CFAP43: variants seen among roughly 807,000 people sequenced by gnomAD.
CFAP43 encodes the protein cilia- and flagella-associated protein 43.
A neutral mutation model predicts 218.9 loss-of-function variants in CFAP43; 155 were observed. That is an observed-to-expected ratio of 0.71 (90% confidence interval 0.62 to 0.81). CFAP43 has a LOEUF of 0.81. CFAP43 is among the 30% of genes least tolerant of loss of function. CFAP43 has a pLI of 0.00. For synonymous variants in CFAP43, 645 were observed against 681.3 expected, an observed-to-expected ratio of 0.95 and a Z score of 0.83; for missense variants, 1,778 against 1,954.3, an observed-to-expected ratio of 0.91 and a Z score of 1.70.
At chr10:104,179,387 G>A (rs1241920525) in intron 18 of CFAP43, among the ~76,000 whole-genome samples, 1 of 152,186 alleles carries the variant, frequency 6.6e-6, no homozygotes, top group Non-Finnish European at 1.5e-5. Flanking sequence ...AGGAAAACCA[G>A]TATGCACTTT....
intron 6 of CFAP43, 132 bp downstream of exon 6, chr10:104,207,533 C>T: frequency 1.2e-6 from 1 of 812,146 alleles, no homozygotes. Context: ...AGAATGCCAA[C>T]AGCACAGTAA....
chr10:104,142,449 AC>A, intron 32 of CFAP43, 56 bp from the exon 33 acceptor site: 1 of 1,327,100 alleles, frequency 7.5e-7, no homozygotes, highest in East Asian at 2.4e-5. Context: ...ATTTTAGACA[AC>A]ATACATCTTT....
At chr10:104,149,896 A>G (rs966260510) in intron 28 of CFAP43, among the ~76,000 whole-genome samples, 1 of 152,078 alleles carries the variant, frequency 6.6e-6, no homozygotes, top group African/African-American at 2.4e-5. Flanking sequence ...ATTCCCCAAA[A>G]ATTCTTTAGC....
At chr10:104,151,869 G>A (rs1283742755) in intron 28 of CFAP43, among the ~76,000 whole-genome samples, 1 of 152,072 alleles carries the variant, frequency 6.6e-6, no homozygotes, top group African/African-American at 2.4e-5. Flanking sequence ...TAGTTTGGGG[G>A]TTTACATTTA....
intron 4 of CFAP43, among the ~76,000 whole-genome samples, chr10:104,212,660 T>C (rs1050275674): frequency 6.6e-6 from 1 of 152,210 alleles, no homozygotes; most frequent in Non-Finnish European, 1.5e-5. Context: ...TAAATATATA[T>C]TTAAACATAT....
At chr10:104,164,475 G>T (rs1194015938) in intron 23 of CFAP43, among the ~76,000 whole-genome samples, 175 bp from the exon 24 acceptor site, 1 of 150,198 alleles carries the variant, frequency 6.7e-6, no homozygotes, top group African/African-American at 2.5e-5. Context: ...TCTGCTCACC[G>T]CAAGCTCCGC....
chr10:104,175,060 AAAACAAACAAAC>A (rs143922332), intron 19 of CFAP43, among the ~76,000 whole-genome samples: 1 of 148,548 alleles, frequency 6.7e-6, no homozygotes, highest in African/African-American at 2.5e-5. Flanking sequence ...GACTCCATCT[AAAACAAACAAAC>A]AAACAAACAA....
chr10:104,185,920 T>C (rs757980022), intron 15 of CFAP43, 54 bp downstream of exon 15: 3 of 1,521,904 alleles, frequency 2.0e-6, no homozygotes, highest in Non-Finnish European at 2.7e-6. Context: ...AAATGTTTCC[T>C]ATATGAGATC....
intron 27 of CFAP43, among the ~76,000 whole-genome samples, chr10:104,157,782 G>GAGAGAGAA (rs2088649897): frequency 9.7e-6 from 1 of 102,682 alleles, no homozygotes; most frequent in Non-Finnish European, 2.1e-5. Context: ...GTGTGAGAGA[G>GAGAGAGAA]AGAGAGAGAG....
At chr10:104,198,286 A>G (rs2090433715) in intron 8 of CFAP43, among the ~76,000 whole-genome samples, 3 of 152,074 alleles carry the variant, frequency 2.0e-5, no homozygotes, top group Admixed American at 2.0e-4. Context: ...TTTTATTTTA[A>G]TTAATTAATT....
intron 19 of CFAP43, among the ~76,000 whole-genome samples, chr10:104,176,876 A>AG (rs1373534541): frequency 1.3e-5 from 2 of 152,218 alleles, no homozygotes; most frequent in African/African-American, 4.8e-5. Flanking sequence ...ACCATAGGCT[A>AG]GCTAACTCTA....
rs1247039446 is a variant in CFAP43 at position 104,164,295 on chromosome 10, G to A, written c.3045C>T (p.Ile1015=). Residue 1015 remains isoleucine (I), a synonymous_variant, in exon 24 of 38, where the codon ATC becomes ATT. Coordinates refer to ENST00000357060, the MANE Select transcript of CFAP43 (RefSeq NM_025145.7). The part of the protein sequence containing the change: ...KINQIILLKD[I]IYKVKTVFNN... ...TGAAAACAGTTTTTACCTTGTAAAT[G>A]ATATCCTGAAATATTAACATGTTAC... 6.3e-7 allele frequency: 1 copy of A among 1,584,372 alleles called. No homozygotes were observed. Among genetic ancestry groups the A allele is most frequent in the Non-Finnish European group, 8.6e-7 (1 of 1,159,952 alleles).
chr10:104,204,266 T>A (rs180951453), intron 7 of CFAP43, among the ~76,000 whole-genome samples: 3 of 152,328 alleles, frequency 2.0e-5, no homozygotes, highest in Non-Finnish European at 4.4e-5. Context: ...TCCCTTCGGA[T>A]CCTCTTTTTC....
intron 3 of CFAP43, among the ~76,000 whole-genome samples, chr10:104,221,458 A>G (rs997934235): frequency 6.6e-6 from 1 of 152,214 alleles, no homozygotes; most frequent in Non-Finnish European, 1.5e-5. Context: ...TCCTTATAAA[A>G]GAGAGCTAGC....
chr10:104,178,841 T>TG (rs1442321099), intron 19 of CFAP43, among the ~76,000 whole-genome samples, 188 bp downstream of exon 19: 1 of 152,130 alleles, frequency 6.6e-6, no homozygotes, highest in Non-Finnish European at 1.5e-5. Flanking sequence ...TGGGGGAAGA[T>TG]GGGGAAAACC....
rs1458133669 is a variant in CFAP43 at position 104,196,650 on chromosome 10, TA to T, written c.1293+202del. ...CCACAGAAAAACTTATTGTTTTCTA[TA>T]ACCAATATTGTATGCTATGGTTCCA... On this transcript the variant is annotated intron_variant, in intron 10 of 37. Transcript: ENST00000357060. Among the ~76,000 whole-genome samples the T allele has an allele frequency of 2.0e-5, 3 of 152,348 alleles. No individual in the cohort carries two copies. The East Asian group carries it at 5.8e-4, about 29-fold the overall frequency.
intron 10 of CFAP43, among the ~76,000 whole-genome samples, chr10:104,194,885 T>A (rs557703448): frequency 6.6e-6 from 1 of 152,204 alleles, no homozygotes; most frequent in Non-Finnish European, 1.5e-5. Flanking sequence ...AAACTTCAGA[T>A]GAAGCAGCCA....
At chr10:104,136,227 G>T (rs2087435434) in intron 34 of CFAP43, among the ~76,000 whole-genome samples, 2 of 128,508 alleles carry the variant, frequency 1.6e-5, no homozygotes, top group South Asian at 2.4e-4. Context: ...CTCCAGCCTG[G>T]GAGACAGAGC....
chr10:104,138,445 G>T (rs1267145308), intron 34 of CFAP43, among the ~76,000 whole-genome samples: 1 of 152,152 alleles, frequency 6.6e-6, no homozygotes, highest in Non-Finnish European at 1.5e-5. Flanking sequence ...GGAGGCTGAG[G>T]TGGGCGGATC....
Sources: gnomAD v4.1 joint callset for allele counts (sites outside exome capture counted in the v4.1 genomes callset) on GRCh38, gnomAD v4.1.1 for gene constraint, MANE v1.5 for transcripts, NCBI Gene and HGNC (gene_info 2026-07-23, HGNC 2026-07-21) for gene names.